Variants in C2orf49 observed in about 807,000 individuals in gnomAD.
C2orf49 encodes tRNA splicing ligase complex subunit 2.
Under a neutral mutation model 20.6 loss-of-function variants are expected in C2orf49, and 11 were observed. The observed-to-expected ratio is 0.53, with a 90% confidence interval of 0.34 to 0.88. The LOEUF is 0.88. C2orf49 is among the 40% of genes least tolerant of loss of function. The pLI, the probability that C2orf49 is intolerant of heterozygous loss-of-function variation, is 0.02. For missense variants in C2orf49, 289 were observed against 274.2 expected, an observed-to-expected ratio of 1.05 and a Z score of -0.38; for synonymous variants, 134 against 108.5, an observed-to-expected ratio of 1.24 and a Z score of -1.46.
At chr2:105,383,604 G>A in the C2orf49 span, among the ~76,000 whole-genome samples, 1 of 152,266 alleles carries the variant, frequency 6.6e-6, no homozygotes, top group East Asian at 1.9e-4. Context: ...GTCCTTTAGA[G>A]GGAAGTAGCT....
At chr2:105,355,229 A>C in the C2orf49 span, among the ~76,000 whole-genome samples, 10 of 152,150 alleles carry the variant, frequency 6.6e-5, no homozygotes, top group African/African-American at 2.4e-4. Context: ...AAGAATAGGA[A>C]AGGGAAAGGG....
At chr2:105,382,345 G>A in the C2orf49 span, among the ~76,000 whole-genome samples, 4 of 152,230 alleles carry the variant, frequency 2.6e-5, no homozygotes, top group Non-Finnish European at 5.9e-5. Context: ...TCTGGCCCGA[G>A]AGTCACATAG....
downstream of C2orf49, among the ~76,000 whole-genome samples, chr2:105,352,429 G>GTTTTTTTTTTTTTTTTTTTTTTTTGTTT (rs61585149): frequency 2.5e-5 from 2 of 80,758 alleles, no homozygotes; most frequent in African/African-American, 1.0e-4. Flanking sequence ...GTTTGTTTGG[G>GTTTTTTTTTTTTTTTTTTTTTTTTGTTT]TTTTTTTTTT....
chr2:105,378,525 C>T, the C2orf49 span: 307 of 179,528 alleles, frequency 1.7e-3, no homozygotes, highest in African/African-American at 6.8e-3. Flanking sequence ...CCATCCCATT[C>T]GGGTTGGGGC....
intron 3 of C2orf49, 48 bp from the exon 4 acceptor site, chr2:105,345,267 T>G (rs778403101): frequency 6.6e-7 from 1 of 1,518,116 alleles, no homozygotes; most frequent in Non-Finnish European, 9.0e-7. Flanking sequence ...TTTAGTTGTT[T>G]TCTGATATTT....
the C2orf49 span, among the ~76,000 whole-genome samples, chr2:105,370,357 A>G: frequency 1.3e-5 from 2 of 151,854 alleles, no homozygotes; most frequent in African/African-American, 4.8e-5. Context: ...CCTGAGCGAA[A>G]GAGCGAGATC....
At chr2:105,380,628 A>G in the C2orf49 span, among the ~76,000 whole-genome samples, 9 of 152,296 alleles carry the variant, frequency 5.9e-5, no homozygotes, top group African/African-American at 2.2e-4. Flanking sequence ...TTAGTACTCC[A>G]TTGTGAACAG....
chr2:105,339,038 GCT>G (rs1165829312), intron 1 of C2orf49, among the ~76,000 whole-genome samples: 1 of 152,250 alleles, frequency 6.6e-6, no homozygotes, highest in African/African-American at 2.4e-5. Flanking sequence ...ATGATGTACT[GCT>G]ACTGTCGTCA....
At chr2:105,361,839 G>A in the C2orf49 span, among the ~76,000 whole-genome samples, 1 of 152,098 alleles carries the variant, frequency 6.6e-6, no homozygotes, top group Non-Finnish European at 1.5e-5. Context: ...GTGTAGAAGA[G>A]GAAAAGGTTA....
chr2:105,337,558 G>A lies in C2orf49; in HGVS notation c.-30G>A. 1.2e-6 allele frequency: 2 copies of A among 1,613,018 alleles called. No individual in the cohort carries two copies. Among genetic ancestry groups the A allele is most frequent in the Non-Finnish European group, 1.7e-6 (2 of 1,179,904 alleles). On this transcript the variant is annotated 5_prime_UTR_variant, in exon 1 of 4. Coordinates refer to ENST00000258457, the MANE Select transcript of C2orf49 (RefSeq NM_024093.3). ...ACGCTTCCTTCGCGGGGCTTTGTGG[G>A]TAGCCGACTGGGGTCTCCTGGCGAC...
At chr2:105,366,273 C>T in the C2orf49 span, among the ~76,000 whole-genome samples, 4 of 152,056 alleles carry the variant, frequency 2.6e-5, no homozygotes, top group Non-Finnish European at 4.4e-5. Flanking sequence ...GAATACTCAG[C>T]ACTTAGAAAA....
chr2:105,373,119 C>T, the C2orf49 span, among the ~76,000 whole-genome samples: 8 of 152,166 alleles, frequency 5.3e-5, no homozygotes, highest in Admixed American at 1.3e-4. Context: ...AGGTGCACCT[C>T]GGCTCACACC....
At chr2:105,377,267 A>G in the C2orf49 span, among the ~76,000 whole-genome samples, 158 of 152,342 alleles carry the variant, frequency 1.0e-3, no homozygotes, top group Non-Finnish European at 1.8e-3. Flanking sequence ...ACTACTGAAC[A>G]GTACTCTTAA....
the C2orf49 span, among the ~76,000 whole-genome samples, chr2:105,370,444 G>A: frequency 6.6e-6 from 1 of 152,110 alleles, no homozygotes; most frequent in Non-Finnish European, 1.5e-5. Context: ...CGCTACTTGA[G>A]TCTGCTCAGA....
chr2:105,382,134 C>T, the C2orf49 span, among the ~76,000 whole-genome samples: 1 of 152,210 alleles, frequency 6.6e-6, no homozygotes, highest in Non-Finnish European at 1.5e-5. Flanking sequence ...GAGACTTTTA[C>T]AGCCAATTTG....
chr2:105,371,662 T>C, the C2orf49 span, among the ~76,000 whole-genome samples: 2 of 152,040 alleles, frequency 1.3e-5, no homozygotes, highest in Admixed American at 1.3e-4. Flanking sequence ...TCAAGACAGG[T>C]GAAAAATTCA....
chr2:105,381,900 A>G, the C2orf49 span, among the ~76,000 whole-genome samples: 1 of 152,160 alleles, frequency 6.6e-6, no homozygotes, highest in Non-Finnish European at 1.5e-5. Flanking sequence ...GTCCAGAAAG[A>G]CCAGCGAGGG....
chr2:105,359,450 A>G, the C2orf49 span: 1 of 152,210 alleles, frequency 6.6e-6, no homozygotes, highest in Admixed American at 6.5e-5. Context: ...AGATTAAGAA[A>G]CTGATTTCAC....
At chr2:105,353,379 C>A (rs1240115384), downstream of C2orf49, among the ~76,000 whole-genome samples, 1 of 152,112 alleles carries the variant, frequency 6.6e-6, no homozygotes, top group Non-Finnish European at 1.5e-5. Flanking sequence ...AGTCAGTCTG[C>A]TCTTATTTTT....
Sources: allele counts gnomAD v4.1 joint callset (sites outside exome capture counted in the v4.1 genomes callset), GRCh38; gene constraint gnomAD v4.1.1; transcripts MANE v1.5; gene names NCBI Gene and HGNC (gene_info 2026-07-23, HGNC 2026-07-21).